Variants in PLTP observed in about 807,000 individuals in gnomAD.
PLTP encodes BPI fold containing family E.
PLTP carries 43 observed loss-of-function variants against 54.1 expected under a neutral mutation model. The ratio of observed to expected loss-of-function variants is 0.79; its 90% CI spans 0.62 to 1.02. The LOEUF (loss-of-function observed/expected upper bound fraction) is 1.02, where lower values mean the gene tolerates loss of function less well. Among genes scored for constraint, PLTP ranks in the 50% least tolerant of loss-of-function variants. The probability of loss-of-function intolerance (pLI) is 0.00; values close to 1 mark genes in which losing one functional copy is unlikely to be tolerated. For synonymous variants in PLTP, 263 were observed against 264.6 expected, an observed-to-expected ratio of 0.99 and a Z score of 0.06; for missense variants, 604 against 645.9, an observed-to-expected ratio of 0.94 and a Z score of 0.70.
intron 15 of PLTP, 89 bp downstream of exon 15, chr20:45,899,373 G>T: frequency 7.3e-7 from 1 of 1,361,326 alleles, no homozygotes. Flanking sequence ...ACTGGTAATG[G>T]GGGAGCTGGG....
chr20:45,899,578 G>A (rs756338897), intron 14 of PLTP, 40 bp from the exon 15 acceptor site: 4 of 1,614,100 alleles, frequency 2.5e-6, no homozygotes, highest in Non-Finnish European at 3.4e-6. Context: ...GGCCCGCCCA[G>A]TTCACCCCTC....
At position 45,898,888 on chromosome 20, in the gene PLTP, G is replaced by T; in HGVS notation, c.*53C>A. 2 of 1,600,128 alleles carry T rather than the reference G, an allele frequency of 1.2e-6. No homozygotes were observed. Among genetic ancestry groups the T allele is most frequent in the Non-Finnish European group, 8.5e-7 (1 of 1,171,376 alleles). On this transcript the variant is annotated 3_prime_UTR_variant, in exon 16 of 16. Transcript: ENST00000372431. This position sits in a 1 kb window ranked among gnomAD's most constrained non-coding sequence, Gnocchi z 4.6. ...AGGCTATGAATGTGGGAAAAGAGGG[G>T]CTGAGAGGGGTTGGGGTCCTGAATG...
intron 5 of PLTP, 150 bp downstream of exon 5, chr20:45,909,366 G>A: frequency 2.7e-6 from 2 of 751,332 alleles, no homozygotes; most frequent in Non-Finnish European, 4.6e-6. Flanking sequence ...AAGCTTCAGT[G>A]ACTTGGCCAC....
intron 12 of PLTP, among the ~76,000 whole-genome samples, chr20:45,901,371 G>A (rs561414511): frequency 6.6e-6 from 1 of 152,254 alleles, no homozygotes; most frequent in African/African-American, 2.4e-5. Context: ...GCTAAGGTGG[G>A]ACGATCACTT....
chr20:45,910,652 C>G (rs1202551739), intron 3 of PLTP, among the ~76,000 whole-genome samples: 1 of 151,738 alleles, frequency 6.6e-6, no homozygotes, highest in African/African-American at 2.4e-5. Context: ...TGCTTGCACC[C>G]CCTCCCCTCC....
At position 45,905,138 on chromosome 20, in the gene PLTP, G is replaced by A; in HGVS notation, c.706-20C>T. On this transcript the variant is annotated intron_variant, in intron 8 of 15. Transcript: ENST00000372431. ...GGCCCCCTGGGGTGGGGCATTCACA[G>A]TCAGGGTCAAGGCAGACTGGCCTGG... is the stretch of plus-strand genomic sequence containing the variant. The A allele has an allele frequency of 6.2e-7, 1 of 1,612,472 alleles. No individual in the cohort carries two copies. The highest frequency in any genetic ancestry group is 8.5e-7 in the Non-Finnish European group (1 of 1,179,084).
chr20:45,902,179 G>T, intron 12 of PLTP, 88 bp downstream of exon 12: 1 of 1,374,522 alleles, frequency 7.3e-7, no homozygotes, highest in Non-Finnish European at 1.0e-6. Context: ...GTGGCTTACA[G>T]GTATCACTGT....
At chr20:45,899,206 G>A in intron 15 of PLTP, 143 bp from the exon 16 acceptor site, 1 of 1,266,322 alleles carries the variant, frequency 7.9e-7, no homozygotes. Flanking sequence ...GGCTGTAGGA[G>A]TGTAGACTAT....
chr20:45,910,762 C>G, intron 3 of PLTP: 3 of 972,832 alleles, frequency 3.1e-6, no homozygotes, highest in Non-Finnish European at 4.0e-6. Flanking sequence ...TATTCCCCCT[C>G]CCTCATCCTA....
chr20:45,911,310 C>T (rs777985995), intron 2 of PLTP, 43 bp downstream of exon 2: 3 of 1,613,848 alleles, frequency 1.9e-6, no homozygotes, highest in Non-Finnish European at 2.5e-6. Context: ...GCGACCCCAA[C>T]CCCGTCCGCT....
chr20:45,908,826 A>G (rs1044961259), intron 5 of PLTP, among the ~76,000 whole-genome samples: 2 of 152,018 alleles, frequency 1.3e-5, no homozygotes, highest in Non-Finnish European at 2.9e-5. Flanking sequence ...TATTTTTGTT[A>G]TTATTATTTA....
intron 3 of PLTP, 153 bp downstream of exon 3, chr20:45,910,999 T>G (rs1056786701): frequency 1.9e-6 from 3 of 1,548,570 alleles, no homozygotes; most frequent in Non-Finnish European, 2.6e-6. Context: ...CTTTATCTTT[T>G]CGGCCCCATC....
At chr20:45,907,601 C>A in intron 7 of PLTP, 91 bp downstream of exon 7, 2 of 1,231,946 alleles carry the variant, frequency 1.6e-6, no homozygotes, top group Admixed American at 1.9e-5. Context: ...ACATTTGAAC[C>A]CAGGACTGTT....
chr20:45,911,437 C>T lies in PLTP; in HGVS notation c.16G>A (p.Ala6Thr), dbSNP rs2083291877. ...CCTGCCAGCAGCGCTAGGAAGAGGGCCCCGAAGAGGGCCATGGCGAGCGGG... is the reference window on the plus strand; with the variant it reads ...CCTGCCAGCAGCGCTAGGAAGAGGGTCCCGAAGAGGGCCATGGCGAGCGGG... MALFG[A>T]LFLALLAGAH... is the part of the protein sequence containing the mutation. The change falls in exon 2 of 16, where the codon GCC becomes ACC. Residue 6 changes from alanine (A) to threonine (T), a missense_variant. Physicochemically the swap from Ala to Thr is moderately conservative, Grantham distance 58. Coordinates refer to ENST00000372431, the MANE Select transcript of PLTP (RefSeq NM_006227.4). 1 of 1,605,404 alleles carries T rather than the reference C, an allele frequency of 6.2e-7. No homozygotes were observed. Among genetic ancestry groups the T allele is most frequent in the Non-Finnish European group, 8.5e-7 (1 of 1,179,976 alleles).
intron 3 of PLTP, among the ~76,000 whole-genome samples, chr20:45,910,467 TAGC>T (rs769797858): frequency 1.3e-5 from 2 of 151,926 alleles, no homozygotes; most frequent in South Asian, 4.2e-4. Context: ...ATACAAAACT[TAGC>T]AGACCGTGGT....
intron 5 of PLTP, 63 bp downstream of exon 5, chr20:45,909,453 T>G: frequency 6.4e-7 from 1 of 1,572,770 alleles, no homozygotes. Flanking sequence ...CACTTTGCAT[T>G]GCGCTAGGCA....
Position 45,909,626 on chromosome 20 carries a change from G to A in PLTP, c.375C>T (p.Ile125=). 6.2e-7 allele frequency: 1 copy of A among 1,614,168 alleles called. No homozygotes were observed. The highest frequency in any genetic ancestry group is 1.3e-5 in the African/African-American group (1 of 75,046). ...YINASAEGVS[I]RTGLELSRDP... ...CCCGGGAGAGCTCCAGACCAGTGCG[G>A]ATGGACACACCCTCAGCTGAGGCGT... Residue 125 remains isoleucine (I), a synonymous_variant, in exon 5 of 16, where the codon ATC becomes ATT. Coordinates refer to ENST00000372431, the MANE Select transcript of PLTP (RefSeq NM_006227.4).
At chr20:45,899,329 C>T in intron 15 of PLTP, 133 bp downstream of exon 15, 5 of 1,016,534 alleles carry the variant, frequency 4.9e-6, no homozygotes, top group Non-Finnish European at 7.5e-6. Context: ...TGTGCAACGG[C>T]TTTTAGGAGT....
intron 12 of PLTP, among the ~76,000 whole-genome samples, chr20:45,901,988 A>G (rs748142214): frequency 6.6e-6 from 1 of 152,130 alleles, no homozygotes; most frequent in Non-Finnish European, 1.5e-5. Flanking sequence ...GGTTTTTGTC[A>G]AAACCCATGT....
Sources: gnomAD v4.1 joint callset for allele counts (sites outside exome capture counted in the v4.1 genomes callset) on GRCh38, gnomAD v4.1.1 for gene constraint, Gnocchi (gnomAD v3.1) non-coding constraint, MANE v1.5 for transcripts, NCBI Gene and HGNC (gene_info 2026-07-23, HGNC 2026-07-21) for gene names.